Variants in AKAP13 observed in about 807,000 individuals in gnomAD.
AKAP13 encodes the protein A-kinase anchor protein 13.
In AKAP13, 80 loss-of-function variants were observed where a neutral mutation model predicts 264.5. The ratio of observed to expected loss-of-function variants is 0.30; its 90% CI spans 0.25 to 0.36. The LOEUF is 0.36. Among genes scored for constraint, AKAP13 ranks in the 10% least tolerant of loss-of-function variants. The pLI is 1.00. For synonymous variants in AKAP13, 1,380 were observed against 1,250.2 expected (o/e 1.10, Z -2.19); for missense variants, 3,712 against 3,435.2 (o/e 1.08, Z -2.01).
chr15:85,682,489 A>T lies in AKAP13; in HGVS notation c.5156+277A>T, dbSNP rs116680292. On this transcript the variant is annotated intron_variant, in intron 15 of 36. Coordinates refer to ENST00000394518, the MANE Select transcript of AKAP13 (RefSeq NM_007200.5). ...ATTATTTGACTTTATGAACTTGTGC[A>T]CCCTTTGCTTATGGGATTTTTAATT... Among the ~76,000 whole-genome samples, 191 of 152,224 alleles carry T rather than the reference A, an allele frequency of 1.3e-3. 1 individual carries two copies. Among genetic ancestry groups the T allele is most frequent in the African/African-American group, 4.5e-3 (188 of 41,552 alleles).
chr15:85,727,611 C>G lies in AKAP13; in HGVS notation c.7087+148C>G. On this transcript the variant is annotated intron_variant, in intron 29 of 36. Coordinates refer to ENST00000394518, the MANE Select transcript of AKAP13 (RefSeq NM_007200.5). The surrounding 1 kb of genome is among the most constrained non-coding windows in gnomAD (Gnocchi z 5.3). ...AAGCAGCAAAATGAATAGCTGTTAACAAAAGAGAAACCAAGGCCAGGCTGA... is the reference window on the plus strand; with the variant it reads ...AAGCAGCAAAATGAATAGCTGTTAAGAAAAGAGAAACCAAGGCCAGGCTGA... 1.3e-6 allele frequency: 1 copy of G among 783,010 alleles called. No individual in the cohort carries two copies. The highest frequency in any genetic ancestry group is 2.1e-6 in the Non-Finnish European group (1 of 487,754). 48.5% of individuals were successfully genotyped at this position (783,010 alleles called of 1,614,324 possible). A position where few individuals can be genotyped will look rare whatever the true frequency, so the allele number is the denominator to read the frequency against.
At chr15:85,596,275 C>A (rs908206187) in intron 8 of AKAP13, among the ~76,000 whole-genome samples, 1 of 152,148 alleles carries the variant, frequency 6.6e-6, no homozygotes, top group Non-Finnish European at 1.5e-5. Flanking sequence ...TTGCTCCTGA[C>A]TGAGTCATTA....
chr15:85,663,172 C>T (rs1358176079), intron 12 of AKAP13, among the ~76,000 whole-genome samples: 1 of 151,964 alleles, frequency 6.6e-6, no homozygotes, highest in African/African-American at 2.4e-5. Flanking sequence ...TGGCCAGACA[C>T]GGTAGCAGGT....
chr15:85,675,402 T>C (rs1442779537), intron 14 of AKAP13, among the ~76,000 whole-genome samples: 1 of 152,148 alleles, frequency 6.6e-6, no homozygotes, highest in Admixed American at 6.5e-5. Flanking sequence ...GGGTATGGAG[T>C]GGCTTTCATA....
chr15:85,429,899 C>G (rs556696224), intron 1 of AKAP13, among the ~76,000 whole-genome samples: 33 of 152,060 alleles, frequency 2.2e-4, no homozygotes, highest in Admixed American at 5.2e-4. Context: ...TTGCATTTTC[C>G]CCTGCACTTT....
Position 85,578,991 on chromosome 15 carries a change from C to G in AKAP13, c.923C>G (p.Ser308Cys). 6.2e-7 allele frequency: 1 copy of G among 1,614,082 alleles called. No homozygotes were observed. The highest frequency in any genetic ancestry group is 8.5e-7 in the Non-Finnish European group (1 of 1,180,034). ...MPLMMTAQDPSSAPETDGQFL... is the reference protein window; with the variant it reads ...MPLMMTAQDPCSAPETDGQFL... ...TTAATGATGACAGCACAGGATCCTTCCAGTGCCCCAGAGACAGATGGCCAG... is the reference window on the plus strand; with the variant it reads ...TTAATGATGACAGCACAGGATCCTTGCAGTGCCCCAGAGACAGATGGCCAG... Residue 308 changes from serine (S) to cysteine (C), a missense_variant, in exon 7 of 37, where the codon TCC becomes TGC. Ser to Cys is a moderately radical substitution (Grantham distance 112). Transcript: ENST00000394518.
At chr15:85,493,943 A>G (rs766310986) in intron 2 of AKAP13, among the ~76,000 whole-genome samples, 1 of 152,244 alleles carries the variant, frequency 6.6e-6, no homozygotes, top group Non-Finnish European at 1.5e-5. Context: ...CAGGCAATTT[A>G]TCACTCAAAA....
At chr15:85,398,351 T>C (rs2071223388) in intron 1 of AKAP13, among the ~76,000 whole-genome samples, 1 of 152,146 alleles carries the variant, frequency 6.6e-6, no homozygotes, top group African/African-American at 2.4e-5. Flanking sequence ...GGAACTATAG[T>C]CCCCCAAAAG....
rs1415262493 is a variant in AKAP13 at position 85,724,509 on chromosome 15, G to A, written c.6745+1189G>A. Among the ~76,000 whole-genome samples, 3 of 16,286 alleles carry A rather than the reference G, an allele frequency of 1.8e-4. No individual in the cohort carries two copies. The highest frequency in any genetic ancestry group is 1.6e-3 in the African/African-American group (3 of 1,876). 10.7% of individuals were successfully genotyped at this position (16,286 alleles called of 152,430 possible). On this transcript the variant is annotated intron_variant, in intron 26 of 36. Coordinates refer to ENST00000394518, the MANE Select transcript of AKAP13 (RefSeq NM_007200.5). This position sits in a 1 kb window ranked among gnomAD's most constrained non-coding sequence, Gnocchi z 4.2. ...CATCCAGGGAAGAGTGGACACCCGG[G>A]ACTCTCACGTGAGAGAGCAGAGTGA...
intron 4 of AKAP13, 35 bp downstream of exon 4, chr15:85,533,915 G>A: frequency 6.6e-7 from 1 of 1,516,222 alleles, no homozygotes; most frequent in Non-Finnish European, 8.8e-7. Context: ...CACACTTTAA[G>A]TTTGTGATAT....
chr15:85,577,936 T>G (rs901377977), intron 6 of AKAP13: 1 of 602,358 alleles, frequency 1.7e-6, no homozygotes, highest in African/African-American at 2.0e-5. Context: ...GGATTTGTTT[T>G]TACTTGTATA....
chr15:85,682,078 CA>C, intron 14 of AKAP13, 79 bp from the exon 15 acceptor site: 1 of 1,329,850 alleles, frequency 7.5e-7, no homozygotes, highest in African/African-American at 1.4e-5. Context: ...TTAGCTGTGT[CA>C]TTGTGAATTT....
chr15:85,634,411 G>A (rs953896464), intron 8 of AKAP13, among the ~76,000 whole-genome samples: 13 of 152,098 alleles, frequency 8.5e-5, no homozygotes, highest in Non-Finnish European at 1.8e-4. Flanking sequence ...CAACTACTTA[G>A]TAGTTTGTTT....
intron 30 of AKAP13, among the ~76,000 whole-genome samples, chr15:85,732,589 G>T (rs901613423): frequency 1.3e-5 from 2 of 150,088 alleles, no homozygotes; most frequent in Non-Finnish European, 1.5e-5. Flanking sequence ...TACAGTGTTT[G>T]TTTTTTTAAC....
chr15:85,466,603 A>C (rs2074750896), intron 1 of AKAP13, among the ~76,000 whole-genome samples: 1 of 152,212 alleles, frequency 6.6e-6, no homozygotes, highest in African/African-American at 2.4e-5. Context: ...CCATTTATTA[A>C]ATAGGGAAGG....
chr15:85,394,285 A>G (rs2071009364), intron 1 of AKAP13, among the ~76,000 whole-genome samples: 1 of 152,214 alleles, frequency 6.6e-6, no homozygotes, highest in South Asian at 2.1e-4. Context: ...CATATCAAAC[A>G]TGTTTTTTGG....
At chr15:85,596,307 A>G (rs1485380154) in intron 8 of AKAP13, among the ~76,000 whole-genome samples, 1 of 152,126 alleles carries the variant, frequency 6.6e-6, no homozygotes. Context: ...TATATTTAAG[A>G]GTTTTGAAAG....
chr15:85,556,483 C>G (rs1175390649), intron 5 of AKAP13, among the ~76,000 whole-genome samples: 1 of 152,114 alleles, frequency 6.6e-6, no homozygotes, highest in Non-Finnish European at 1.5e-5. Flanking sequence ...TGGCACATGA[C>G]TGTAGTAAAT....
chr15:85,572,607 C>T (rs374575746), intron 5 of AKAP13, among the ~76,000 whole-genome samples: 7 of 152,066 alleles, frequency 4.6e-5, no homozygotes, highest in East Asian at 1.9e-4. Flanking sequence ...TTATTATTAC[C>T]GTCAGCCAGT....
Sources: gnomAD v4.1 joint callset for allele counts (sites outside exome capture counted in the v4.1 genomes callset) on GRCh38, gnomAD v4.1.1 for gene constraint, Gnocchi (gnomAD v3.1) non-coding constraint, MANE v1.5 for transcripts, NCBI Gene and HGNC (gene_info 2026-07-23, HGNC 2026-07-21) for gene names.